Variants in TLL2 observed in about 807,000 individuals in gnomAD.
The protein encoded by TLL2 is tolloid like 2.
A neutral mutation model predicts 123.0 loss-of-function variants in TLL2; 106 were observed. That is an observed-to-expected ratio of 0.86 (90% CI 0.74 to 1.01). The LOEUF (loss-of-function observed/expected upper bound fraction) is 1.01, where lower values mean the gene tolerates loss of function less well. TLL2 is among the 50% of genes least tolerant of loss of function. The probability of loss-of-function intolerance (pLI) is 0.00; values close to 1 mark genes in which losing one functional copy is unlikely to be tolerated. For synonymous variants in TLL2, 494 were observed against 516.8 expected, an observed-to-expected ratio of 0.96 and a Z score of 0.60; for missense variants, 1,332 against 1,336.7, an observed-to-expected ratio of 1.00 and a Z score of 0.06.
intron 2 of TLL2, among the ~76,000 whole-genome samples, chr10:96,450,817 T>C (rs1258533247): frequency 6.6e-6 from 1 of 152,122 alleles, no homozygotes; most frequent in Non-Finnish European, 1.5e-5. Flanking sequence ...TATGGGGATG[T>C]ATTTTTCCTT....
chr10:96,504,092 C>T (rs1316473681), intron 1 of TLL2, among the ~76,000 whole-genome samples: 1 of 152,148 alleles, frequency 6.6e-6, no homozygotes, highest in Admixed American at 6.5e-5. Context: ...GAGCCCAGGC[C>T]ATCTCCTGCG....
intron 15 of TLL2, 73 bp from the exon 16 acceptor site, chr10:96,384,840 C>T: frequency 7.0e-7 from 1 of 1,419,544 alleles, no homozygotes; most frequent in East Asian, 2.5e-5. Flanking sequence ...ACTGCTGCAC[C>T]TGCTTCCTGA....
chr10:96,396,599 TTG>T (rs1360375962), intron 11 of TLL2, among the ~76,000 whole-genome samples: 9 of 150,320 alleles, frequency 6.0e-5, no homozygotes, highest in East Asian at 3.9e-4. Flanking sequence ...TTTTTTTTTT[TTG>T]GTAGAGGGTA....
At position 96,385,963 on chromosome 10, in the gene TLL2, G is replaced by T. The variant is rs367761248; in HGVS notation, c.2013+92C>A. ...CTGTCCAAAGCTTCAGTCAACACAA[G>T]CCATCTCCCTGCCCTCCCAGCCCCT... On this transcript the variant is annotated intron_variant, in intron 15 of 20. Transcript: ENST00000357947. 96 of 1,330,160 alleles carry T rather than the reference G, an allele frequency of 7.2e-5. No individual in the cohort carries two copies. The South Asian group carries it at 1.2e-3, about 16-fold the overall frequency. The allele number at this position is 1,330,160 out of a possible 1,614,324, so 82.4% of individuals were successfully genotyped here.
chr10:96,422,498 G>T, intron 6 of TLL2, 51 bp downstream of exon 6: 1 of 1,605,170 alleles, frequency 6.2e-7, no homozygotes, highest in Non-Finnish European at 8.5e-7. Flanking sequence ...TGTCCCTGAG[G>T]TTGCCACCTT....
intron 1 of TLL2, among the ~76,000 whole-genome samples, chr10:96,505,607 G>A (rs983431934): frequency 1.3e-5 from 2 of 152,190 alleles, no homozygotes; most frequent in Non-Finnish European, 2.9e-5. Flanking sequence ...AGCAAGCCTA[G>A]GCAGGTTTGC....
chr10:96,416,185 T>A (rs1846558993), intron 7 of TLL2, among the ~76,000 whole-genome samples: 1 of 152,196 alleles, frequency 6.6e-6, no homozygotes, highest in Non-Finnish European at 1.5e-5. Flanking sequence ...GAAAGGTGTG[T>A]CCTTTTGTAA....
At chr10:96,371,440 C>T (rs1242536788) in intron 19 of TLL2, among the ~76,000 whole-genome samples, 1 of 152,234 alleles carries the variant, frequency 6.6e-6, no homozygotes, top group Non-Finnish European at 1.5e-5. Flanking sequence ...GTGCTCCATG[C>T]CCCCCGAGGG....
intron 19 of TLL2, among the ~76,000 whole-genome samples, chr10:96,372,835 C>T (rs1339300932): frequency 6.6e-6 from 1 of 152,014 alleles, no homozygotes; most frequent in African/African-American, 2.4e-5. Context: ...GGGACCACCA[C>T]GCCTCGCTAT....
intron 1 of TLL2, among the ~76,000 whole-genome samples, chr10:96,512,251 C>G (rs1024940668): frequency 6.6e-6 from 1 of 152,208 alleles, no homozygotes; most frequent in Non-Finnish European, 1.5e-5. Context: ...CTGACCCTCC[C>G]AACCCCCAGC....
intron 9 of TLL2, among the ~76,000 whole-genome samples, chr10:96,408,015 A>T (rs1458624794): frequency 6.6e-6 from 1 of 152,198 alleles, no homozygotes; most frequent in Non-Finnish European, 1.5e-5. Context: ...CCTTCCTTCC[A>T]TTAAATCAGA....
intron 1 of TLL2, among the ~76,000 whole-genome samples, chr10:96,492,851 A>T (rs1248110352): frequency 6.6e-6 from 1 of 152,160 alleles, no homozygotes; most frequent in East Asian, 1.9e-4. Flanking sequence ...GACCTAAGGA[A>T]CACATTTTGG....
chr10:96,397,309 A>T lies in TLL2; in HGVS notation c.1268-7T>A, dbSNP rs746242358. ...TTATCGCCACAAAACCTGCCTGGAA[A>T]GTGGAAAAAGAAGCAGTTAGGAGCC... On this transcript the variant is annotated splice_polypyrimidine_tract_variant and splice_region_variant and intron_variant, in intron 10 of 20. Coordinates refer to ENST00000357947, the MANE Select transcript of TLL2 (RefSeq NM_012465.4). The T allele has an allele frequency of 6.2e-7, 1 of 1,609,890 alleles. No homozygotes were observed. Among genetic ancestry groups the T allele is most frequent in the South Asian group, 1.1e-5 (1 of 90,550 alleles).
At chr10:96,476,240 A>ATATATATATATATATATATATATATATT in intron 2 of TLL2, among the ~76,000 whole-genome samples, 1 of 20,502 alleles carries the variant, frequency 4.9e-5, no homozygotes, top group Non-Finnish European at 1.0e-4. Flanking sequence ...ATATATATAT[A>ATATATATATATATATATATATATATATT]TTTTATTTTT....
intron 2 of TLL2, among the ~76,000 whole-genome samples, chr10:96,476,240 A>ATATATATATATATTCTTTTTTTTTT: frequency 4.9e-5 from 1 of 20,500 alleles, no homozygotes; most frequent in Non-Finnish European, 1.0e-4. Context: ...ATATATATAT[A>ATATATATATATATTCTTTTTTTTTT]TTTTATTTTT....
chr10:96,500,810 G>GAGGC (rs371864684), intron 1 of TLL2, among the ~76,000 whole-genome samples: 2 of 139,084 alleles, frequency 1.4e-5, no homozygotes, highest in Non-Finnish European at 3.0e-5. Flanking sequence ...GGGACGGAGG[G>GAGGC]AGGGAGGGAG....
In TLL2 at chr10:96,405,451, C is replaced by T. The variant is rs552877290; in HGVS notation, c.1165-117G>A. 4.8e-5 allele frequency: 42 copies of T among 869,008 alleles called. 1 individual carries two copies. Among genetic ancestry groups the T allele is most frequent in the South Asian group, 3.3e-4 (21 of 64,372 alleles). 53.8% of individuals were successfully genotyped at this position (869,008 alleles called of 1,614,324 possible). A position where few individuals can be genotyped will look rare whatever the true frequency, so the allele number is the denominator to read the frequency against. ...TTTAGCATGCAGAACTTTCAGACCA[C>T]GGTAGGAGTGTTGTCTCAAAAGCAT... On this transcript the variant is annotated intron_variant, in intron 9 of 20. Coordinates refer to ENST00000357947, the MANE Select transcript of TLL2 (RefSeq NM_012465.4).
chr10:96,468,238 T>G (rs1225025683), intron 2 of TLL2, among the ~76,000 whole-genome samples: 1 of 152,214 alleles, frequency 6.6e-6, no homozygotes, highest in Non-Finnish European at 1.5e-5. Flanking sequence ...TCGCTCATTT[T>G]ATAACCCCCT....
chr10:96,472,261 C>G (rs1248831592), intron 2 of TLL2, among the ~76,000 whole-genome samples: 1 of 152,168 alleles, frequency 6.6e-6, no homozygotes, highest in African/African-American at 2.4e-5. Context: ...CGTTCATTCA[C>G]AAAATCGAGA....
Sources: allele counts gnomAD v4.1 joint callset (sites outside exome capture counted in the v4.1 genomes callset), GRCh38; gene constraint gnomAD v4.1.1; transcripts MANE v1.5; gene names NCBI Gene and HGNC (gene_info 2026-07-23, HGNC 2026-07-21).